The following SUFU variants were observed in gnomAD, a reference collection of about 807,000 sequenced individuals.
SUFU encodes suppressor of fused homolog.
A neutral mutation model predicts 58.9 loss-of-function variants in SUFU; 7 were observed. The ratio of observed to expected loss-of-function variants is 0.12; its 90% confidence interval spans 0.07 to 0.22. SUFU has a LOEUF of 0.22. Ranked by LOEUF, SUFU falls within the 10% of genes least tolerant of loss-of-function variation. The pLI is 1.00. For synonymous variants in SUFU, 232 were observed against 254.8 expected, an observed-to-expected ratio of 0.91 and a Z score of 0.85; for missense variants, 451 against 641.3, an observed-to-expected ratio of 0.70 and a Z score of 3.20.
chr10:102,559,210 T>C (rs2063010323), intron 3 of SUFU, among the ~76,000 whole-genome samples: 2 of 152,284 alleles, frequency 1.3e-5, no homozygotes, highest in South Asian at 2.1e-4. Context: ...ACCGCCCTCA[T>C]TGGTGTCCCC....
At chr10:102,556,236 G>A (rs2062975551) in intron 3 of SUFU, among the ~76,000 whole-genome samples, 1 of 152,182 alleles carries the variant, frequency 6.6e-6, no homozygotes, top group Admixed American at 6.5e-5. Context: ...AGCCTGCTCT[G>A]AAGCATGACT....
intron 3 of SUFU, among the ~76,000 whole-genome samples, chr10:102,557,903 T>C (rs1357150117): frequency 3.3e-5 from 5 of 151,776 alleles, no homozygotes; most frequent in Non-Finnish European, 5.9e-5. Context: ...TGTTTTTTAC[T>C]GATTTTTTTT....
At chr10:102,622,991 CAAAA>C (rs60442672) in intron 10 of SUFU, among the ~76,000 whole-genome samples, 3,839 of 58,364 alleles carry the variant, frequency 0.066, 172 homozygotes, top group African/African-American at 0.24. Context: ...AACTCCGTCT[CAAAA>C]AAAAAAAAAA....
chr10:102,542,199 C>T (rs1234070189), intron 2 of SUFU, among the ~76,000 whole-genome samples: 1 of 145,716 alleles, frequency 6.9e-6, no homozygotes, highest in Non-Finnish European at 1.5e-5. Flanking sequence ...GTGGCGTGAT[C>T]TCGGCTCACT....
intron 3 of SUFU, among the ~76,000 whole-genome samples, chr10:102,580,027 G>GCCCCCCC (rs1378925159): frequency 4.5e-4 from 19 of 41,956 alleles, no homozygotes; most frequent in African/African-American, 5.4e-4. Flanking sequence ...CTCCTCCCCC[G>GCCCCCCC]CACCCCCCCC....
intron 10 of SUFU, chr10:102,618,755 G>A (rs2063711355): frequency 2.1e-6 from 1 of 465,476 alleles, no homozygotes. Flanking sequence ...CAGCACAAGT[G>A]GAAAGGGCCT....
In SUFU at chr10:102,549,988, A is replaced by T. The variant is rs1419705146; in HGVS notation, c.336A>T (p.Gly112=). ...NRVHEFTGTD[G]PSGFGFELTF... ...CTTTCAGGTTTACAGGAACAGATGG[A>T]CCTAGTGGTTTTGGCTTTGAGTTGA... Residue 112 remains glycine (G), a synonymous_variant, in exon 3 of 12, where the codon GGA becomes GGT. Transcript: ENST00000369902. 1 of 1,614,054 alleles carries T rather than the reference A, an allele frequency of 6.2e-7. No individual in the cohort carries two copies. The highest frequency in any genetic ancestry group is 8.5e-7 in the Non-Finnish European group (1 of 1,180,036).
At chr10:102,516,468 A>G (rs879413948) in intron 2 of SUFU, among the ~76,000 whole-genome samples, 3 of 152,106 alleles carry the variant, frequency 2.0e-5, no homozygotes, top group Admixed American at 2.0e-4. Flanking sequence ...TTCTTCCTTC[A>G]TGGGGTAAGG....
At chr10:102,543,786 T>C (rs1214620849) in intron 2 of SUFU, among the ~76,000 whole-genome samples, 1 of 152,240 alleles carries the variant, frequency 6.6e-6, no homozygotes, top group Non-Finnish European at 1.5e-5. Context: ...ATAATGCTTA[T>C]AGTGTTCTGA....
In SUFU at chr10:102,632,824, T is replaced by A. The variant is rs2063848805; in HGVS notation, c.*2669T>A. The A allele has an allele frequency of 4.3e-6, 1 of 233,462 alleles. No individual in the cohort carries two copies. The highest frequency in any genetic ancestry group is 6.0e-5 in the East Asian group (1 of 16,596). 14.5% of individuals were successfully genotyped at this position (233,462 alleles called of 1,614,324 possible). A position where few individuals can be genotyped will look rare whatever the true frequency, so the allele number is the denominator to read the frequency against. On this transcript the variant is annotated 3_prime_UTR_variant, in exon 12 of 12. Coordinates refer to ENST00000369902, the MANE Select transcript of SUFU (RefSeq NM_016169.4). ...TCTTTGCCTGCTATATAAGGCAGGC[T>A]CCTGTGGCTCTGCTGGCTCAGTGTG...
intron 3 of SUFU, among the ~76,000 whole-genome samples, chr10:102,585,482 G>A (rs1196912925): frequency 6.6e-6 from 1 of 152,008 alleles, no homozygotes; most frequent in African/African-American, 2.4e-5. Flanking sequence ...TGAAGTGGTG[G>A]TGTCTCATTG....
chr10:102,525,899 C>T (rs900522404), intron 2 of SUFU, among the ~76,000 whole-genome samples: 4 of 152,182 alleles, frequency 2.6e-5, no homozygotes, highest in Admixed American at 2.0e-4. Flanking sequence ...GGTTTCTGCT[C>T]TCATGAATCT....
At chr10:102,523,257 A>G (rs1436600099) in intron 2 of SUFU, among the ~76,000 whole-genome samples, 1 of 152,172 alleles carries the variant, frequency 6.6e-6, no homozygotes, top group East Asian at 1.9e-4. Context: ...GCTTAGCCAC[A>G]GGAAGGCCAA....
rs141817027 is a variant in SUFU at position 102,570,732 on chromosome 10, GA to G, written c.454+20628del. ...TGCTTCTTGGTGTAAACTAAGGCAGGAAGAAGGGAGTTAGTTTCCTAAGCTG... is the reference window on the plus strand; with the variant it reads ...TGCTTCTTGGTGTAAACTAAGGCAGGAGAAGGGAGTTAGTTTCCTAAGCTG... On this transcript the variant is annotated intron_variant, in intron 3 of 11. Transcript: ENST00000369902. Among the ~76,000 whole-genome samples the G allele has an allele frequency of 4.0e-3, 613 of 152,258 alleles. 3 individuals carry two copies. The highest frequency in any genetic ancestry group is 6.5e-3 in the Non-Finnish European group (445 of 68,016).
intron 2 of SUFU, among the ~76,000 whole-genome samples, chr10:102,547,995 A>G (rs1328714998): frequency 6.6e-6 from 1 of 152,052 alleles, no homozygotes; most frequent in Non-Finnish European, 1.5e-5. Flanking sequence ...TACTAAAAAA[A>G]AAGAAAGAAA....
chr10:102,508,463 C>T (rs1387689146), intron 1 of SUFU, among the ~76,000 whole-genome samples: 1 of 152,314 alleles, frequency 6.6e-6, no homozygotes, highest in East Asian at 1.9e-4. Context: ...GTGGCAGTCT[C>T]TCCTGGGATC....
chr10:102,543,158 C>T lies in SUFU; in HGVS notation c.318-6812C>T, dbSNP rs2062821614. 6.6e-6 allele frequency among the ~76,000 whole-genome samples: 1 copy of T among 152,252 alleles called. No homozygotes were observed. Among genetic ancestry groups the T allele is most frequent in the Non-Finnish European group, 1.5e-5 (1 of 68,034 alleles). On this transcript the variant is annotated intron_variant, in intron 2 of 11. Transcript: ENST00000369902. ...CTAATTCTCCTCCATATAAGTTGTA[C>T]TAATTTATATCCATACCGGCAACAT...
In SUFU at chr10:102,629,965, A is replaced by C; in HGVS notation, c.1366-101A>C. The C allele has an allele frequency of 1.8e-6, 2 of 1,117,952 alleles. No homozygotes were observed. Among genetic ancestry groups the C allele is most frequent in the Non-Finnish European group, 2.7e-6 (2 of 727,726 alleles). 69.3% of individuals were successfully genotyped at this position (1,117,952 alleles called of 1,614,324 possible). ...AGCCACGCCTCCCGCGGCCTGTCCT[A>C]TCCCTAGCTCCCCGGGGACAGGCCT... On this transcript the variant is annotated intron_variant, in intron 11 of 11. Coordinates refer to ENST00000369902, the MANE Select transcript of SUFU (RefSeq NM_016169.4). This position sits in a 1 kb window ranked among gnomAD's most constrained non-coding sequence, Gnocchi z 4.7.
chr10:102,592,719 C>G lies in SUFU; in HGVS notation c.592C>G (p.Leu198Val), dbSNP rs1008594155. The change falls in exon 4 of 12, where the codon CTC (leucine) becomes GTC (valine). Residue 198 changes from leucine (L) to valine (V), a missense_variant. Leu to Val is a conservative substitution (Grantham distance 32, BLOSUM62 1). Transcript: ENST00000369902. ...VQTPFGVVTF[L>V]QIVGVCTEEL... ...GACACCCTTTGGGGTAGTTACCTTCCTCCAGGTGAGGCACAGGTTGGACGC... is the reference window on the plus strand; with the variant it reads ...GACACCCTTTGGGGTAGTTACCTTCGTCCAGGTGAGGCACAGGTTGGACGC... 6 of 1,613,946 alleles carry G rather than the reference C, an allele frequency of 3.7e-6. No individual in the cohort carries two copies. The highest frequency in any genetic ancestry group is 4.2e-6 in the Non-Finnish European group (5 of 1,180,062).
Sources: allele counts gnomAD v4.1 joint callset (sites outside exome capture counted in the v4.1 genomes callset), GRCh38; gene constraint gnomAD v4.1.1; non-coding constraint Gnocchi (gnomAD v3.1); transcripts MANE v1.5; gene names NCBI Gene and HGNC (gene_info 2026-07-23, HGNC 2026-07-21).